Variants in GAPVD1 observed in about 807,000 individuals in gnomAD.
The protein encoded by GAPVD1 is GTPase-activating protein and VPS9 domain-containing protein 1.
A neutral mutation model predicts 155.5 loss-of-function variants in GAPVD1; 35 were observed. The ratio of observed to expected loss-of-function variants is 0.23; its 90% CI spans 0.17 to 0.30. GAPVD1 has a LOEUF of 0.30. Among genes scored for constraint, GAPVD1 ranks in the 10% least tolerant of loss-of-function variants. The pLI, the probability that GAPVD1 is intolerant of heterozygous loss-of-function variation, is 1.00. For missense variants in GAPVD1, 1,429 were observed against 1,775.7 expected (o/e 0.80, Z 3.51); for synonymous variants, 636 against 619.7 (o/e 1.03, Z -0.39).
At chr9:125,311,157 A>G (rs1308473961) in intron 8 of GAPVD1, among the ~76,000 whole-genome samples, 1 of 152,188 alleles carries the variant, frequency 6.6e-6, no homozygotes, top group East Asian at 1.9e-4. Context: ...TTAGAAAAAA[A>G]TATTTTTCAT....
chr9:125,348,395 A>G (rs956813016), intron 20 of GAPVD1, among the ~76,000 whole-genome samples: 1 of 152,162 alleles, frequency 6.6e-6, no homozygotes, highest in East Asian at 1.9e-4. Flanking sequence ...AGGTCTCACT[A>G]TGTTGCCCAG....
At chr9:125,264,792 C>T (rs985485732) in intron 1 of GAPVD1, among the ~76,000 whole-genome samples, 13 of 151,426 alleles carry the variant, frequency 8.6e-5, no homozygotes, top group African/African-American at 2.4e-4. Context: ...GATCTCAGCT[C>T]ACTGCAAGCT....
chr9:125,321,151 A>G (rs1844281418), intron 9 of GAPVD1, among the ~76,000 whole-genome samples: 3 of 152,110 alleles, frequency 2.0e-5, no homozygotes, highest in African/African-American at 4.8e-5. Flanking sequence ...GCTGACACCA[A>G]AGACTTCTGA....
intron 9 of GAPVD1, among the ~76,000 whole-genome samples, chr9:125,314,226 G>A (rs917609459): frequency 3.3e-5 from 5 of 152,214 alleles, no homozygotes; most frequent in African/African-American, 1.2e-4. Flanking sequence ...TGAGATACAT[G>A]TTGTATTCTT....
intron 9 of GAPVD1, among the ~76,000 whole-genome samples, chr9:125,320,695 G>A (rs1300914778): frequency 6.6e-6 from 1 of 151,662 alleles, no homozygotes; most frequent in African/African-American, 2.4e-5. Flanking sequence ...GCGCGATCTC[G>A]GCTCACTGCA....
At chr9:125,310,836 CCTT>C (rs776174687) in intron 8 of GAPVD1, among the ~76,000 whole-genome samples, 120 of 149,528 alleles carry the variant, frequency 8.0e-4, no homozygotes, top group Admixed American at 1.7e-3. Flanking sequence ...CCGCGCCCAG[CCTT>C]CTTCTTTTTT....
At chr9:125,329,784 G>A (rs1554775590) in intron 12 of GAPVD1, among the ~76,000 whole-genome samples, 1 of 150,788 alleles carries the variant, frequency 6.6e-6, no homozygotes, top group East Asian at 1.9e-4. Flanking sequence ...TCTGCCTCCC[G>A]GGTTCTTGTG....
In GAPVD1 at chr9:125,323,809, C is replaced by A; in HGVS notation, c.1744C>A (p.Arg582Ser). The change falls in exon 11 of 28, where the codon CGC becomes AGC. Residue 582 changes from arginine (R) to serine (S), a missense_variant. Transcript: ENST00000297933. Reference protein sequence around the residue: ...LEGISEGPSNRSNSVSSLDLE... With the variant: ...LEGISEGPSNSSNSVSSLDLE... Reference sequence around the variant, plus strand: ...AAACATTTCTCTAGGTCCTTCAAATCGCTCCAATTCAGTGTCCTCCCTAGA... The same window carrying A: ...AAACATTTCTCTAGGTCCTTCAAATAGCTCCAATTCAGTGTCCTCCCTAGA... 2 of 1,613,594 alleles carry A rather than the reference C, an allele frequency of 1.2e-6. No individual in the cohort carries two copies. The highest frequency in any genetic ancestry group is 1.7e-6 in the Non-Finnish European group (2 of 1,179,586).
rs1475951532 is a variant in GAPVD1 at position 125,298,944 on chromosome 9, C to T, written c.23C>T (p.Thr8Ile). The T allele has an allele frequency of 3.1e-6, 5 of 1,607,678 alleles. No homozygotes were observed. Among genetic ancestry groups the T allele is most frequent in the Non-Finnish European group, 4.2e-6 (5 of 1,177,236 alleles). ...AAGATGGTGAAACTAGATATTCATA[C>T]TCTGGCTCATCACCTCAAGCAGGAA... Reference protein sequence around the residue: MVKLDIHTLAHHLKQERL... With the variant: MVKLDIHILAHHLKQERL... The change falls in exon 4 of 28, where the codon ACT (threonine) becomes ATT (isoleucine). Residue 8 changes from threonine to isoleucine, a missense_variant. By Grantham distance (89) the Thr-to-Ile change is moderately conservative. Around this residue, in one of 4 missense-constraint regions of GAPVD1, gnomAD observed 628 missense variants for 733.4 expected, o/e 0.86. Transcript: ENST00000297933.
rs552328246 is a variant in GAPVD1, at chr9:125,283,907, C to T, written c.-149-11551C>T. On this transcript the variant is annotated intron_variant, in intron 2 of 27. Coordinates refer to ENST00000297933, the MANE Select transcript of GAPVD1 (RefSeq NM_001282680.3). Reference sequence around the variant, plus strand: ...TCTTTTTTTGATATGGAGTCTCGCTCTGTCACCCAGGCTGGAGTGCAGTGG... The same window carrying T: ...TCTTTTTTTGATATGGAGTCTCGCTTTGTCACCCAGGCTGGAGTGCAGTGG... Among the ~76,000 whole-genome samples, 8 of 151,660 alleles carry T rather than the reference C, an allele frequency of 5.3e-5. No individual in the cohort carries two copies. The South Asian group carries it at 1.7e-3, about 32-fold the overall frequency.
chr9:125,279,205 A>C (rs1588595736), intron 2 of GAPVD1, among the ~76,000 whole-genome samples: 1 of 150,284 alleles, frequency 6.7e-6, no homozygotes, highest in East Asian at 2.0e-4. Context: ...ACAAGACTCC[A>C]TCTTAAAAAA....
At chr9:125,345,455 C>T (rs1267520912) in intron 19 of GAPVD1, among the ~76,000 whole-genome samples, 1 of 152,178 alleles carries the variant, frequency 6.6e-6, no homozygotes, top group Admixed American at 6.5e-5. Context: ...GCTAGGATTA[C>T]AGGCGTGAGC....
rs1382114254 is a variant in GAPVD1 at position 125,337,070 on chromosome 9, G to A, written c.2481G>A (p.Met827Ile). ...CTCAGTCAGAGTCTCTGCTGGCCATGTTTGATCCACTGTCTTCACATGAAG... is the reference window on the plus strand; with the variant it reads ...CTCAGTCAGAGTCTCTGCTGGCCATATTTGATCCACTGTCTTCACATGAAG... ...PPSQSESLLA[M>I]FDPLSSHEGA... Residue 827 changes from methionine (M) to isoleucine (I), a missense_variant, in exon 16 of 28, where the codon ATG (methionine) becomes ATA (isoleucine). Around this residue, in one of 4 missense-constraint regions of GAPVD1, gnomAD observed 699 missense variants for 826.0 expected, o/e 0.85. Coordinates refer to ENST00000297933, the MANE Select transcript of GAPVD1 (RefSeq NM_001282680.3). The A allele has an allele frequency of 6.2e-7, 1 of 1,613,272 alleles. No individual in the cohort carries two copies. Among genetic ancestry groups the A allele is most frequent in the Non-Finnish European group, 8.5e-7 (1 of 1,179,232 alleles).
intron 19 of GAPVD1, 41 bp from the exon 20 acceptor site, chr9:125,346,778 A>G: frequency 6.4e-7 from 1 of 1,558,352 alleles, no homozygotes; most frequent in East Asian, 2.2e-5. Context: ...AGGTGGTACA[A>G]ACCCAAGGGG....
At chr9:125,324,400 G>C (rs1321699762) in intron 11 of GAPVD1, among the ~76,000 whole-genome samples, 1 of 152,130 alleles carries the variant, frequency 6.6e-6, no homozygotes, top group Non-Finnish European at 1.5e-5. Flanking sequence ...AGACCAGCCT[G>C]ACCAACATGG....
At chr9:125,341,313 C>A in intron 18 of GAPVD1, 49 bp downstream of exon 18, 1 of 914,774 alleles carries the variant, frequency 1.1e-6, no homozygotes, top group Non-Finnish European at 1.7e-6. Flanking sequence ...AGAAGCAAAG[C>A]CCCAGAATCT....
Position 125,300,037 on chromosome 9 carries a change from AAATATATAT to A in GAPVD1, c.185+933_185+941del, listed in dbSNP as rs1840560884. Among the ~76,000 whole-genome samples the A allele has an allele frequency of 2.8e-4, 9 of 31,996 alleles. 3 individuals are homozygous for A. The highest frequency in any genetic ancestry group is 8.2e-4 in the African/African-American group (6 of 7,276). The allele number at this position is 31,996 out of a possible 152,430, so 21.0% of individuals were successfully genotyped here. A position where few individuals can be genotyped will look rare whatever the true frequency, so the allele number is the denominator to read the frequency against. On this transcript the variant is annotated intron_variant, in intron 4 of 27. Coordinates refer to ENST00000297933, the MANE Select transcript of GAPVD1 (RefSeq NM_001282680.3). ...CTGTCTCAAAAGAAAAAAAAAAAAA[AAATATATAT>A]ATATATATATATATATATATATATA...
At chr9:125,321,378 T>C in intron 9 of GAPVD1, 55 bp from the exon 10 acceptor site, 4 of 1,337,392 alleles carry the variant, frequency 3.0e-6, no homozygotes, top group Non-Finnish European at 4.3e-6. Context: ...TGTGGTTTGT[T>C]TCCTTATCAG....
chr9:125,312,891 G>T (rs1435308116), intron 9 of GAPVD1, among the ~76,000 whole-genome samples: 2 of 152,094 alleles, frequency 1.3e-5, no homozygotes, highest in African/African-American at 2.4e-5. Flanking sequence ...CACGATCTCA[G>T]CTCACTGCAA....
Sources: gnomAD v4.1 joint callset for allele counts (sites outside exome capture counted in the v4.1 genomes callset) on GRCh38, gnomAD v4.1.1 for gene constraint, gnomAD v4.1.1 regional missense constraint, MANE v1.5 for transcripts, NCBI Gene and HGNC (gene_info 2026-07-23, HGNC 2026-07-21) for gene names.